SLC16A3: variants seen among roughly 807,000 people sequenced by gnomAD.
SLC16A3 encodes monocarboxylate transporter 4.
A neutral mutation model predicts 25.0 loss-of-function variants in SLC16A3; 22 were observed. The observed-to-expected ratio is 0.88, with a 90% CI of 0.63 to 1.26. SLC16A3 has a LOEUF of 1.26. SLC16A3 is among the 50% of genes most tolerant of loss of function. SLC16A3 has a pLI of 0.00. For missense variants in SLC16A3, 731 were observed against 666.6 expected (o/e 1.10, Z -1.06); for synonymous variants, 390 against 309.2 (o/e 1.26, Z -2.74).
At chr17:82,224,480 T>C (rs1194380503), upstream of SLC16A3, among the ~76,000 whole-genome samples, 1 of 16,718 alleles carries the variant, frequency 6.0e-5, no homozygotes. Flanking sequence ...CCCCTACACC[T>C]GTGCAGTCAC....
In SLC16A3 at chr17:82,238,838, G is replaced by C. The variant is rs747581280; in HGVS notation, c.1260G>C (p.Glu420Asp). ...IRKKPKEPQP[E>D]VAAAEEEKLH... ...AGAAGCCCAAAGAGCCACAGCCTGA[G>C]GTGGCGGCCGCGGAGGAGGAGAAGC... Residue 420 changes from glutamate to aspartate, a missense_variant, in exon 5 of 5, where the codon GAG becomes GAC. Transcript: ENST00000582743. 1 of 1,612,722 alleles carries C rather than the reference G, an allele frequency of 6.2e-7. No homozygotes were observed. Among genetic ancestry groups the C allele is most frequent in the Non-Finnish European group, 8.5e-7 (1 of 1,179,780 alleles).
chr17:82,237,915 A>G lies in SLC16A3; in HGVS notation c.1123+22A>G, dbSNP rs142491119. On this transcript the variant is annotated intron_variant, in intron 4 of 4. Transcript: ENST00000582743. ...GGAGGTGAGCGCTGCGCCCCCAGGC[A>G]GTTCCCCACACCTGCCCTTCCCGTC... is the stretch of plus-strand genomic sequence containing the variant. The G allele has an allele frequency of 3.4e-3, 5,444 of 1,590,998 alleles. 12 individuals carry two copies. Among genetic ancestry groups the G allele is most frequent in the Non-Finnish European group, 4.4e-3 (5,164 of 1,175,902 alleles).
At chr17:82,219,905 C>T (rs920772358) in intron 1 of SLC16A3, among the ~76,000 whole-genome samples, 1 of 152,102 alleles carries the variant, frequency 6.6e-6, no homozygotes, top group African/African-American at 2.4e-5. Flanking sequence ...GAAACCCTGA[C>T]CCCCCAGCCC....
chr17:82,229,822 G>C (rs2050465108), intron 1 of SLC16A3: 1 of 152,334 alleles, frequency 6.6e-6, no homozygotes, highest in Non-Finnish European at 1.5e-5. Context: ...CTGGGTGTTG[G>C]GCCAGTCAAG....
chr17:82,232,932 G>A (rs981046630), intron 1 of SLC16A3, among the ~76,000 whole-genome samples: 1 of 150,408 alleles, frequency 6.6e-6, no homozygotes, highest in East Asian at 2.0e-4. Flanking sequence ...GGGGGGGTTG[G>A]TAAATGTCAG....
rs925880720 is a variant in SLC16A3, at chr17:82,239,989, C to T, written c.*1013C>T. The T allele has an allele frequency of 1.5e-5, 19 of 1,233,692 alleles. No individual in the cohort carries two copies. The highest frequency in any genetic ancestry group is 1.1e-4 in the African/African-American group (7 of 64,602). The allele number at this position is 1,233,692 out of a possible 1,614,324, so 76.4% of individuals were successfully genotyped here. A position where few individuals can be genotyped will look rare whatever the true frequency, so the allele number is the denominator to read the frequency against. On this transcript the variant is annotated 3_prime_UTR_variant, in exon 5 of 5. Transcript: ENST00000582743. ...CCGCCGGGGCCCTCAGTAGGTGCGTCGTGGGCGCTGGGGACGGCAGCGGGT... is the reference window on the plus strand; with the variant it reads ...CCGCCGGGGCCCTCAGTAGGTGCGTTGTGGGCGCTGGGGACGGCAGCGGGT...
intron 1 of SLC16A3, chr17:82,229,837 A>C (rs1007128313): frequency 7.2e-5 from 11 of 152,360 alleles, no homozygotes; most frequent in African/African-American, 2.7e-4. Context: ...GTCAAGAGAC[A>C]GGAGCCGCAG....
chr17:82,237,611 G>A lies in SLC16A3; in HGVS notation c.841G>A (p.Ala281Thr), dbSNP rs761460865. 4 of 1,612,304 alleles carry A rather than the reference G, an allele frequency of 2.5e-6. No homozygotes were observed. The highest frequency in any genetic ancestry group is 2.5e-6 in the Non-Finnish European group (3 of 1,179,640). ...GFIDIFARPA[A>T]GFVAGLGKVR... ...CATTGACATCTTCGCGCGGCCGGCC[G>A]CGGGCTTCGTGGCGGGGCTTGGGAA... Residue 281 changes from alanine (A) to threonine (T), a missense_variant, in exon 4 of 5, where the codon GCG (alanine) becomes ACG (threonine). Ala to Thr is a moderately conservative substitution (Grantham distance 58). Coordinates refer to ENST00000582743, the MANE Select transcript of SLC16A3 (RefSeq NM_004207.4).
upstream of SLC16A3, among the ~76,000 whole-genome samples, chr17:82,225,022 G>A (rs920001063): frequency 3.3e-5 from 5 of 152,186 alleles, no homozygotes; most frequent in African/African-American, 1.2e-4. Flanking sequence ...TTCTGACTTT[G>A]GGAGGCCAGG....
At chr17:82,230,036 AG>A (rs1392919784) in intron 1 of SLC16A3, 1 of 152,750 alleles carries the variant, frequency 6.5e-6, no homozygotes, top group Non-Finnish European at 1.5e-5. Context: ...GCCCACCCCA[AG>A]GCCCAGGGGC....
upstream of SLC16A3, chr17:82,228,469 C>CG (rs2050442138): frequency 6.6e-6 from 1 of 152,396 alleles, no homozygotes. Flanking sequence ...GCGCAGGCCG[C>CG]GGGCCGCTCC....
chr17:82,219,439 C>T (rs542845966), intron 1 of SLC16A3, among the ~76,000 whole-genome samples: 11 of 152,214 alleles, frequency 7.2e-5, no homozygotes, highest in African/African-American at 2.6e-4. Flanking sequence ...TCCGGTCACC[C>T]CCAGGCACTT....
At chr17:82,229,002 G>C (rs1477263574), upstream of SLC16A3, 1 of 149,774 alleles carries the variant, frequency 6.7e-6, no homozygotes, top group Non-Finnish European at 1.5e-5. Context: ...CCGCGCCAGC[G>C]ACCCGAGCAC....
chr17:82,231,529 T>C lies in SLC16A3; in HGVS notation c.-27+2423T>C, dbSNP rs1187887061. The C allele has an allele frequency of 6.6e-5, 10 of 152,342 alleles. No homozygotes were observed. The East Asian group carries it at 1.9e-3, about 30-fold the overall frequency. The allele number at this position is 152,342 out of a possible 1,614,324, so 9.4% of individuals were successfully genotyped here. On this transcript the variant is annotated intron_variant, in intron 1 of 4. Transcript: ENST00000582743. ...GCGGCCTTGCGGGGTCCAGGAGGCC[T>C]CGGAGGTGGGGGACGGCGGCTCTGG...
rs1568540106 is a variant in SLC16A3, at chr17:82,237,399, CG to C, written c.630del (p.Pro211ArgfsTer8). 1 of 1,555,662 alleles carries C rather than the reference CG, an allele frequency of 6.4e-7. No individual in the cohort carries two copies. The highest frequency in any genetic ancestry group is 1.9e-5 in the Admixed American group (1 of 52,786). On this transcript the variant is annotated frameshift_variant, in exon 4 of 5. Coordinates refer to ENST00000582743, the MANE Select transcript of SLC16A3 (RefSeq NM_004207.4). LOFTEE classifies it high-confidence loss of function. Reference protein sequence around the residue: ...LVVTAQPGSGPPRPSRRLLDL... With the variant: ...LVVTAQPGSGXPRPSRRLLDL... ...GTCACGGCCCAGCCGGGCTCGGGGCCGCCGCGACCCTCCCGGCGCCTGCTAG... is the reference window on the plus strand; with the variant it reads ...GTCACGGCCCAGCCGGGCTCGGGGCCCCGCGACCCTCCCGGCGCCTGCTAG...
At chr17:82,232,918 CGGGGGGGGGGT>C (rs2050522387) in intron 1 of SLC16A3, among the ~76,000 whole-genome samples, 2 of 47,210 alleles carry the variant, frequency 4.2e-5, no homozygotes, top group Admixed American at 4.7e-4. Context: ...TGGGGGGCGG[CGGGGGGGGGGT>C]TGGTAAATGT....
Position 82,236,871 on chromosome 17 carries a change from G to C in SLC16A3, c.366G>C (p.Thr122=). 1 of 1,605,018 alleles carries C rather than the reference G, an allele frequency of 6.2e-7. No homozygotes were observed. Among genetic ancestry groups the C allele is most frequent in the Non-Finnish European group, 8.5e-7 (1 of 1,179,590 alleles). ...TCTACCTCACCACTGGGGTCATCAC[G>C]GGTGAGTGGGGCCGGCCGGTGGGCC... ...IQVYLTTGVI[T]GLGLALNFQP... is the part of the protein sequence containing the mutation. Residue 122 remains threonine (T), a splice_region_variant and synonymous_variant, in exon 3 of 5, where the codon ACG becomes ACC. Coordinates refer to ENST00000582743, the MANE Select transcript of SLC16A3 (RefSeq NM_004207.4).
intron 1 of SLC16A3, among the ~76,000 whole-genome samples, chr17:82,221,050 C>T (rs1458248031): frequency 1.3e-5 from 2 of 151,890 alleles, no homozygotes; most frequent in Non-Finnish European, 2.9e-5. Flanking sequence ...AACTCCTGGC[C>T]TCAAGTGATC....
chr17:82,218,987 C>T (rs1025842263), intron 1 of SLC16A3, among the ~76,000 whole-genome samples: 2 of 151,768 alleles, frequency 1.3e-5, no homozygotes, highest in African/African-American at 2.4e-5. Context: ...GAGGCAGCCC[C>T]GTGTGAGCCC....
Sources: allele counts gnomAD v4.1 joint callset (sites outside exome capture counted in the v4.1 genomes callset), GRCh38; gene constraint gnomAD v4.1.1; transcripts MANE v1.5; gene names NCBI Gene and HGNC (gene_info 2026-07-23, HGNC 2026-07-21).